KIF22: variants seen among roughly 807,000 people sequenced by gnomAD.
KIF22 encodes kinesin-like protein KIF22.
In KIF22, 62 loss-of-function variants were observed where a neutral mutation model predicts 73.0. The ratio of observed to expected loss-of-function variants is 0.85; its 90% confidence interval spans 0.69 to 1.05. The LOEUF is 1.05. KIF22 is among the 50% of genes least tolerant of loss of function. The pLI is 0.00. For missense variants in KIF22, 854 were observed against 870.1 expected, an observed-to-expected ratio of 0.98 and a Z score of 0.23; for synonymous variants, 411 against 340.1, an observed-to-expected ratio of 1.21 and a Z score of -2.29.
Position 29,804,009 on chromosome 16 carries a change from G to T in KIF22, c.1621G>T (p.Ala541Ser). The T allele has an allele frequency of 6.2e-7, 1 of 1,609,218 alleles. No individual in the cohort carries two copies. Among genetic ancestry groups the T allele is most frequent in the Non-Finnish European group, 8.5e-7 (1 of 1,177,886 alleles). Reference sequence around the variant, plus strand: ...ATTCCTACTTTCAGTTCAGGAGCAGGCAGCATCCCCAAATGCCGAGATCCA... The same window carrying T: ...ATTCCTACTTTCAGTTCAGGAGCAGTCAGCATCCCCAAATGCCGAGATCCA... ...VMPLQLIQEQ[A>S]ASPNAEIHIL... Residue 541 changes from alanine to serine, a missense_variant, in exon 11 of 14, where the codon GCA (alanine) becomes TCA (serine). Coordinates refer to ENST00000160827, the MANE Select transcript of KIF22 (RefSeq NM_007317.3).
intron 1 of KIF22, among the ~76,000 whole-genome samples, chr16:29,793,652 CTT>C (rs1267831981): frequency 6.6e-6 from 1 of 151,816 alleles, no homozygotes; most frequent in African/African-American, 2.4e-5. Context: ...GTTGTTACAA[CTT>C]GAGGGTGAGG....
intron 9 of KIF22, 72 bp from the exon 10 acceptor site, chr16:29,803,377 C>T (rs551777959): frequency 1.3e-6 from 2 of 1,577,620 alleles, no homozygotes; most frequent in East Asian, 4.5e-5. Flanking sequence ...GCATACTCAC[C>T]CTGGTAACCC....
In KIF22 at chr16:29,799,761, A is replaced by G. The variant is rs1205864613; in HGVS notation, c.1124A>G (p.Asn375Ser). 2.5e-6 allele frequency: 4 copies of G among 1,613,360 alleles called. No individual in the cohort carries two copies. Among genetic ancestry groups the G allele is most frequent in the East Asian group, 4.5e-5 (2 of 44,884 alleles). ...SKEVINRPFTNESLQPHALGP... is the reference protein window; with the variant it reads ...SKEVINRPFTSESLQPHALGP... ...GAGGTGATCAATCGGCCTTTTACCA[A>G]TGAGAGCCTGCAGCCTCATGGTGAG... is the stretch of plus-strand genomic sequence containing the variant. Residue 375 changes from asparagine (N) to serine (S), a missense_variant, in exon 7 of 14, where the codon AAT (asparagine) becomes AGT (serine). Asn to Ser is a conservative substitution (Grantham distance 46). Coordinates refer to ENST00000160827, the MANE Select transcript of KIF22 (RefSeq NM_007317.3).
rs6145811 is a variant in KIF22, at chr16:29,798,313, T to TACACACACACAC, written c.267-38_267-27dup. On this transcript the variant is annotated intron_variant, in intron 2 of 13. Coordinates refer to ENST00000160827, the MANE Select transcript of KIF22 (RefSeq NM_007317.3). The surrounding 1 kb of genome is among the most constrained non-coding windows in gnomAD (Gnocchi z 4.1). ...CCCACCCCCACCCCACTCCACCCCT[T>TACACACACACAC]ACACACACACACACACACACACACA... 2.4e-6 allele frequency: 2 copies of TACACACACACAC among 819,842 alleles called. No homozygotes were observed. The highest frequency in any genetic ancestry group is 3.9e-5 in the African/African-American group (2 of 51,852). The allele number at this position is 819,842 out of a possible 1,614,324, so 50.8% of individuals were successfully genotyped here.
At position 29,796,723 on chromosome 16, in the gene KIF22, G is replaced by A. The variant is rs552985887; in HGVS notation, c.71-170G>A. ...TGCTATACACCTGCTGCACTTGCTTGTAGAGCAGGGAAGGCACTGAGGCCA... is the reference window on the plus strand; with the variant it reads ...TGCTATACACCTGCTGCACTTGCTTATAGAGCAGGGAAGGCACTGAGGCCA... On this transcript the variant is annotated intron_variant, in intron 1 of 13. Transcript: ENST00000160827. Among the ~76,000 whole-genome samples, 236 of 152,238 alleles carry A rather than the reference G, an allele frequency of 1.6e-3. 1 individual carries two copies. The highest frequency in any genetic ancestry group is 3.0e-3 in the Non-Finnish European group (201 of 67,996).
chr16:29,798,283 C>G lies in KIF22; in HGVS notation c.267-91C>G, dbSNP rs1899003003. 6.7e-7 allele frequency: 1 copy of G among 1,497,876 alleles called. No homozygotes were observed. The highest frequency in any genetic ancestry group is 1.9e-5 in the Admixed American group (1 of 53,492). 92.8% of individuals were successfully genotyped at this position (1,497,876 alleles called of 1,614,324 possible). A position where few individuals can be genotyped will look rare whatever the true frequency, so the allele number is the denominator to read the frequency against. On this transcript the variant is annotated intron_variant, in intron 2 of 13. Coordinates refer to ENST00000160827, the MANE Select transcript of KIF22 (RefSeq NM_007317.3). The surrounding 1 kb of genome is among the most constrained non-coding windows in gnomAD (Gnocchi z 4.1). ...CCAAGGTCCAGATGAGAGTAGAATC[C>G]CTTACCCACCCCCACCCCACTCCAC...
rs766020948 is a variant in KIF22, at chr16:29,803,475, G to A, written c.1476G>A (p.Leu492=). 1.9e-6 allele frequency: 3 copies of A among 1,614,164 alleles called. No individual in the cohort carries two copies. The highest frequency in any genetic ancestry group is 1.3e-5 in the African/African-American group (1 of 75,054). Residue 492 remains leucine, a synonymous_variant, in exon 10 of 14, where the codon CTG becomes CTA. Transcript: ENST00000160827. ...GGCTTAAGACGAAGCAAAAAGAACT[G>A]GAGGCCAAGATGTTGGCCCAGAAGG... ...IERLKTKQKE[L]EAKMLAQKAE...
chr16:29,799,311 ACT>A lies in KIF22; in HGVS notation c.810_811del (p.Tyr271ProfsTer3), dbSNP rs1386842566. 3.7e-6 allele frequency: 6 copies of A among 1,613,996 alleles called. No homozygotes were observed. Among genetic ancestry groups the A allele is most frequent in the African/African-American group, 1.3e-5 (1 of 74,996 alleles). On this transcript the variant is annotated frameshift_variant, in exon 6 of 14. Transcript: ENST00000160827. LOFTEE classifies it high-confidence loss of function. ...CCCCATTTCGCCAGCGAGAGGGAAA[ACT>A]CTACCTGATTGACTTGGCTGGGTCA... ...LAPFRQREGK[L>X]YLIDLAGSED...
chr16:29,800,066 G>A lies in KIF22; in HGVS notation c.1280+18G>A, dbSNP rs777567159. The A allele has an allele frequency of 1.9e-6, 3 of 1,600,810 alleles. No individual in the cohort carries two copies. Among genetic ancestry groups the A allele is most frequent in the Non-Finnish European group, 2.5e-6 (3 of 1,177,314 alleles). ...AAACTCAGGTGAGCAGTGGGGCCTT[G>A]GGTGTATCCCCTTCCTGATGTATGG... On this transcript the variant is annotated intron_variant, in intron 8 of 13. Coordinates refer to ENST00000160827, the MANE Select transcript of KIF22 (RefSeq NM_007317.3).
Position 29,798,286 on chromosome 16 carries a change from T to TTGGGGC in KIF22, c.267-88_267-87insTGGGGC. 1 of 1,485,604 alleles carries TTGGGGC rather than the reference T, an allele frequency of 6.7e-7. No homozygotes were observed. Among genetic ancestry groups the TTGGGGC allele is most frequent in the Non-Finnish European group, 9.1e-7 (1 of 1,104,268 alleles). 92.0% of individuals were successfully genotyped at this position (1,485,604 alleles called of 1,614,324 possible). A position where few individuals can be genotyped will look rare whatever the true frequency, so the allele number is the denominator to read the frequency against. ...AGGTCCAGATGAGAGTAGAATCCCT[T>TTGGGGC]ACCCACCCCCACCCCACTCCACCCC... On this transcript the variant is annotated intron_variant, in intron 2 of 13. Coordinates refer to ENST00000160827, the MANE Select transcript of KIF22 (RefSeq NM_007317.3). The surrounding 1 kb of genome is among the most constrained non-coding windows in gnomAD (Gnocchi z 4.1).
In KIF22 at chr16:29,798,673, A is replaced by C; in HGVS notation, c.475A>C (p.Arg159=). The change falls in exon 4 of 14, where the codon AGG becomes CGG. Residue 159 remains arginine, a synonymous_variant. Coordinates refer to ENST00000160827, the MANE Select transcript of KIF22 (RefSeq NM_007317.3). This position sits in a 1 kb window ranked among gnomAD's most constrained non-coding sequence, Gnocchi z 4.1. ...TCTCATGGACCTCCTGCAGCTCACA[A>C]GGGAGGAGGGTGCCGAGGGCCGGCC... is the stretch of plus-strand genomic sequence containing the variant. ...RALMDLLQLT[R]EEGAEGRPWA... is the part of the protein sequence containing the mutation. 2 of 1,614,128 alleles carry C rather than the reference A, an allele frequency of 1.2e-6. No homozygotes were observed. The highest frequency in any genetic ancestry group is 1.7e-6 in the Non-Finnish European group (2 of 1,180,022).
intron 11 of KIF22, chr16:29,804,515 G>A (rs1316341634): frequency 9.1e-6 from 6 of 658,298 alleles, no homozygotes; most frequent in Non-Finnish European, 1.4e-5. Flanking sequence ...TTAGAGATGA[G>A]GGACCAGATT....
chr16:29,803,371 A>G (rs1295074142), intron 9 of KIF22, 78 bp from the exon 10 acceptor site: 3 of 1,561,750 alleles, frequency 1.9e-6, no homozygotes, highest in African/African-American at 1.4e-5. Flanking sequence ...AGCCTTGCAT[A>G]CTCACCCTGG....
chr16:29,800,063 C>G lies in KIF22; in HGVS notation c.1280+15C>G, dbSNP rs781478852. 8.7e-6 allele frequency: 14 copies of G among 1,603,834 alleles called. No homozygotes were observed. Among genetic ancestry groups the G allele is most frequent in the Non-Finnish European group, 1.2e-5 (14 of 1,178,132 alleles). ...CAGAAACTCAGGTGAGCAGTGGGGCCTTGGGTGTATCCCCTTCCTGATGTA... is the reference window on the plus strand; with the variant it reads ...CAGAAACTCAGGTGAGCAGTGGGGCGTTGGGTGTATCCCCTTCCTGATGTA... On this transcript the variant is annotated intron_variant, in intron 8 of 13. Coordinates refer to ENST00000160827, the MANE Select transcript of KIF22 (RefSeq NM_007317.3).
Position 29,790,780 on chromosome 16 carries a change from G to C in KIF22, c.21G>C (p.Thr7=). 3 of 1,601,044 alleles carry C rather than the reference G, an allele frequency of 1.9e-6. No individual in the cohort carries two copies. Among genetic ancestry groups the C allele is most frequent in the Non-Finnish European group, 2.6e-6 (3 of 1,173,978 alleles). ...GTGGAATGGCCGCGGGCGGCTCGAC[G>C]CAGCAGAGGCGACGCGAGATGGCGG... The part of the protein sequence containing the change: MAAGGS[T]QQRRREMAAA... Residue 7 remains threonine, a synonymous_variant, in exon 1 of 14, where the codon ACG becomes ACC. Transcript: ENST00000160827.
chr16:29,803,680 C>T, intron 10 of KIF22, 72 bp downstream of exon 10: 1 of 1,248,752 alleles, frequency 8.0e-7, no homozygotes, highest in Non-Finnish European at 1.1e-6. Flanking sequence ...TTAGGAGCAG[C>T]TGTCTCCATG....
At chr16:29,804,091 A>G (rs756449967) in intron 11 of KIF22, 26 bp downstream of exon 11, 1 of 1,587,956 alleles carries the variant, frequency 6.3e-7, no homozygotes, top group Non-Finnish European at 8.6e-7. Flanking sequence ...GGCTTAGGCT[A>G]CACCTGGAGC....
intron 6 of KIF22, 57 bp downstream of exon 6, chr16:29,799,551 CT>C (rs1899060150): frequency 2.5e-6 from 4 of 1,611,620 alleles, no homozygotes; most frequent in Non-Finnish European, 3.4e-6. Context: ...CTCAGGCCTG[CT>C]GTGGGGTGGG....
intron 8 of KIF22, among the ~76,000 whole-genome samples, chr16:29,801,133 C>T (rs1314807835): frequency 6.6e-6 from 1 of 152,142 alleles, no homozygotes; most frequent in African/African-American, 2.4e-5. Context: ...CTGCGTCTAC[C>T]CTCAATCCAG....
Sources: gnomAD v4.1 joint callset for allele counts (sites outside exome capture counted in the v4.1 genomes callset) on GRCh38, gnomAD v4.1.1 for gene constraint, Gnocchi (gnomAD v3.1) non-coding constraint, MANE v1.5 for transcripts, NCBI Gene and HGNC (gene_info 2026-07-23, HGNC 2026-07-21) for gene names.